The following ARMC8 variants were observed in gnomAD, a reference collection of about 807,000 sequenced individuals.
ARMC8 encodes the protein armadillo repeat-containing protein 8.
A neutral mutation model predicts 99.3 loss-of-function variants in ARMC8; 20 were observed. That is an observed-to-expected ratio of 0.20 (90% CI 0.14 to 0.29). ARMC8 has a LOEUF of 0.29. Ranked by LOEUF, ARMC8 falls within the 10% of genes least tolerant of loss-of-function variation. The pLI is 1.00. For synonymous variants in ARMC8, 263 were observed against 278.3 expected (o/e 0.95, Z 0.55); for missense variants, 569 against 809.5 (o/e 0.70, Z 3.60).
At chr3:138,239,447 T>C (rs1216488392) in intron 9 of ARMC8, 21 bp from the exon 10 acceptor site, 5 of 1,571,112 alleles carry the variant, frequency 3.2e-6, no homozygotes, top group Middle Eastern at 1.7e-4. Flanking sequence ...CAAAAACTTA[T>C]TTTCTGCTGT....
chr3:138,214,070 T>C (rs990108096), intron 2 of ARMC8, among the ~76,000 whole-genome samples: 5 of 151,968 alleles, frequency 3.3e-5, no homozygotes, highest in African/African-American at 1.2e-4. Flanking sequence ...AAGGATCCCT[T>C]GAGCCCAGGA....
chr3:138,187,725 GCC>G (rs2043143381), intron 1 of ARMC8, 126 bp downstream of exon 1: 7 of 1,056,490 alleles, frequency 6.6e-6, no homozygotes, highest in Middle Eastern at 2.5e-4. Context: ...TCAGTCTCGG[GCC>G]AGGGAGTGAG....
At chr3:138,234,044 C>A (rs1049741383) in intron 6 of ARMC8, among the ~76,000 whole-genome samples, 3 of 151,876 alleles carry the variant, frequency 2.0e-5, no homozygotes, top group Admixed American at 1.3e-4. Flanking sequence ...TGAAAAAAAA[C>A]CCTTCATTTT....
intron 19 of ARMC8, among the ~76,000 whole-genome samples, chr3:138,285,956 T>G (rs1215684397): frequency 6.6e-6 from 1 of 152,160 alleles, no homozygotes; most frequent in East Asian, 1.9e-4. Flanking sequence ...AAACTTCTTT[T>G]TATTTTGAGA....
chr3:138,243,404 AAG>A (rs1174395495), intron 11 of ARMC8, among the ~76,000 whole-genome samples: 1 of 152,238 alleles, frequency 6.6e-6, no homozygotes, highest in Admixed American at 6.5e-5. Context: ...TAGACCCGTA[AAG>A]AGAAATCTTC....
chr3:138,192,990 A>T (rs1462579939), intron 1 of ARMC8, among the ~76,000 whole-genome samples: 1 of 151,852 alleles, frequency 6.6e-6, no homozygotes, highest in Non-Finnish European at 1.5e-5. Context: ...TATTTTTGAT[A>T]TGTGTTTCGC....
chr3:138,189,353 G>A (rs1352484151), intron 1 of ARMC8, among the ~76,000 whole-genome samples: 1 of 151,738 alleles, frequency 6.6e-6, no homozygotes, highest in Non-Finnish European at 1.5e-5. Context: ...CACTCCTAGA[G>A]CCTTGGGGAA....
At chr3:138,253,014 A>G (rs1381467602) in intron 12 of ARMC8, among the ~76,000 whole-genome samples, 1 of 151,758 alleles carries the variant, frequency 6.6e-6, no homozygotes, top group Non-Finnish European at 1.5e-5. Flanking sequence ...TTAGATTAAA[A>G]CTATGGCTTT....
chr3:138,228,419 CAT>C (rs2045807285), intron 5 of ARMC8, among the ~76,000 whole-genome samples: 2 of 152,186 alleles, frequency 1.3e-5, no homozygotes, highest in South Asian at 2.1e-4. Flanking sequence ...AGCTGCCAGT[CAT>C]ATAAATTGTC....
chr3:138,237,637 C>A, intron 9 of ARMC8, 65 bp downstream of exon 9: 1 of 1,385,278 alleles, frequency 7.2e-7, no homozygotes, highest in Non-Finnish European at 1.0e-6. Context: ...TATTTTTGGA[C>A]AACCAAATTT....
intron 12 of ARMC8, 30 bp downstream of exon 12, chr3:138,245,213 C>G: frequency 6.2e-7 from 1 of 1,614,208 alleles, no homozygotes; most frequent in South Asian, 1.1e-5. Flanking sequence ...GTCCCCCAGT[C>G]CTGACAGCCA....
At chr3:138,276,805 T>C (rs886160148) in intron 18 of ARMC8, among the ~76,000 whole-genome samples, 1 of 152,170 alleles carries the variant, frequency 6.6e-6, no homozygotes, top group African/African-American at 2.4e-5. Flanking sequence ...AAAATGTTGG[T>C]TCTCCCCAAG....
intron 5 of ARMC8, among the ~76,000 whole-genome samples, chr3:138,225,057 G>A (rs1367211726): frequency 4.6e-5 from 7 of 150,602 alleles, no homozygotes; most frequent in Non-Finnish European, 1.0e-4. Context: ...ACTTAGAGAA[G>A]TGGAGAGGAA....
chr3:138,194,484 CCTG>C (rs2043592682), intron 1 of ARMC8, among the ~76,000 whole-genome samples: 1 of 151,326 alleles, frequency 6.6e-6, no homozygotes, highest in Admixed American at 6.6e-5. Flanking sequence ...ACTACAGGCA[CCTG>C]CCACCACACC....
intron 5 of ARMC8, among the ~76,000 whole-genome samples, chr3:138,225,248 C>T (rs2045626854): frequency 6.6e-6 from 1 of 151,872 alleles, no homozygotes; most frequent in Non-Finnish European, 1.5e-5. Flanking sequence ...TCAGCTGGGC[C>T]TACAGGCATG....
intron 15 of ARMC8, among the ~76,000 whole-genome samples, chr3:138,269,817 TTTC>T (rs1428319936): frequency 8.5e-6 from 1 of 117,668 alleles, no homozygotes; most frequent in Non-Finnish European, 1.7e-5. Flanking sequence ...TTTTGTTTTC[TTTC>T]TTTTTTTTTT....
intron 1 of ARMC8, among the ~76,000 whole-genome samples, chr3:138,200,680 G>T (rs2044003213): frequency 6.6e-6 from 1 of 151,970 alleles, no homozygotes; most frequent in African/African-American, 2.4e-5. Flanking sequence ...GGCTTTCTGA[G>T]TGATGTGTGT....
Position 138,296,048 on chromosome 3 carries a change from TC to T in ARMC8, c.*157del. Reference sequence around the variant, plus strand: ...TTAGTAGGCTTAGATCTCAAATTCATCTTGAGAACATTTTTTTGAGGTAGTA... The same window carrying T: ...TTAGTAGGCTTAGATCTCAAATTCATTTGAGAACATTTTTTTGAGGTAGTA... On this transcript the variant is annotated 3_prime_UTR_variant, in exon 22 of 22. Coordinates refer to ENST00000469044, the MANE Select transcript of ARMC8 (RefSeq NM_001363941.2). 1 of 593,572 alleles carries T rather than the reference TC, an allele frequency of 1.7e-6. No homozygotes were observed. Among genetic ancestry groups the T allele is most frequent in the Non-Finnish European group, 2.7e-6 (1 of 364,318 alleles). 36.8% of individuals were successfully genotyped at this position (593,572 alleles called of 1,614,324 possible).
chr3:138,253,735 G>A (rs1361973493), intron 12 of ARMC8, among the ~76,000 whole-genome samples: 1 of 152,196 alleles, frequency 6.6e-6, no homozygotes, highest in Non-Finnish European at 1.5e-5. Flanking sequence ...TGTATGCTCA[G>A]AATGAAGCAG....
Sources: allele counts gnomAD v4.1 joint callset (sites outside exome capture counted in the v4.1 genomes callset), GRCh38; gene constraint gnomAD v4.1.1; transcripts MANE v1.5; gene names NCBI Gene and HGNC (gene_info 2026-07-23, HGNC 2026-07-21).